CFTR: variants seen among roughly 807,000 people sequenced by gnomAD.
CFTR encodes the protein CF transmembrane conductance regulator.
A neutral mutation model predicts 171.6 loss-of-function variants in CFTR; 181 were observed. That is an observed-to-expected ratio of 1.05 (90% confidence interval 0.93 to 1.19). The LOEUF (loss-of-function observed/expected upper bound fraction) is 1.19. CFTR is among the 50% of genes most tolerant of loss of function. CFTR has a pLI of 0.00. For missense variants in CFTR, 1,968 were observed against 1,734.7 expected (o/e 1.13, Z -2.39); for synonymous variants, 583 against 608.0 (o/e 0.96, Z 0.60).
chr7:117,601,844 G>A (rs1788811343), intron 15 of CFTR, among the ~76,000 whole-genome samples: 2 of 152,132 alleles, frequency 1.3e-5, no homozygotes, highest in African/African-American at 4.8e-5. Flanking sequence ...AATATAAAAA[G>A]AACTACAAAA....
At position 117,652,862 on chromosome 7, in the gene CFTR, A is replaced by T; in HGVS notation, c.3894A>T (p.Gly1298=). 3 of 1,566,938 alleles carry T rather than the reference A, an allele frequency of 1.9e-6. No homozygotes were observed. Among genetic ancestry groups the T allele is most frequent in the Non-Finnish European group, 2.6e-6 (3 of 1,139,534 alleles). The change falls in exon 24 of 27, where the codon GGA becomes GGT. Residue 1298 remains glycine (G), a synonymous_variant. Coordinates refer to ENST00000003084, the MANE Select transcript of CFTR (RefSeq NM_000492.4). ...VIPQKVFIFS[G]TFRKNLDPYE... ...TATAGAAAGTATTTATTTTTTCTGGAACATTTAGAAAAAACTTGGATCCCT... is the reference window on the plus strand; with the variant it reads ...TATAGAAAGTATTTATTTTTTCTGGTACATTTAGAAAAAACTTGGATCCCT...
intron 11 of CFTR, among the ~76,000 whole-genome samples, chr7:117,575,831 G>A (rs911954679): frequency 1.3e-5 from 2 of 151,898 alleles, no homozygotes; most frequent in Non-Finnish European, 2.9e-5. Context: ...TTTGCTATTT[G>A]CAACCTGCAG....
chr7:117,608,407 G>A lies in CFTR; in HGVS notation c.2988+1654G>A, dbSNP rs560457625. On this transcript the variant is annotated intron_variant, in intron 18 of 26. Coordinates refer to ENST00000003084, the MANE Select transcript of CFTR (RefSeq NM_000492.4). ...ATTACTAGAGATGGGGTTTCACCACGTTGGCCAGGCTGGTCTTGAACTCCT... is the reference window on the plus strand; with the variant it reads ...ATTACTAGAGATGGGGTTTCACCACATTGGCCAGGCTGGTCTTGAACTCCT... 5.9e-5 allele frequency among the ~76,000 whole-genome samples: 9 copies of A among 152,190 alleles called. No homozygotes were observed. The South Asian group carries it at 8.3e-4, about 14-fold the overall frequency.
intron 5 of CFTR, 62 bp from the exon 6 acceptor site, chr7:117,535,186 T>G: frequency 2.6e-6 from 4 of 1,547,350 alleles, no homozygotes; most frequent in Non-Finnish European, 3.6e-6. Flanking sequence ...CATATATGAT[T>G]GTTAGTTTCT....
chr7:117,482,958 A>C (rs1256577118), intron 1 of CFTR, among the ~76,000 whole-genome samples: 1 of 152,208 alleles, frequency 6.6e-6, no homozygotes, highest in Non-Finnish European at 1.5e-5. Flanking sequence ...ATTTCTTACA[A>C]GGGATGTGGG....
intron 10 of CFTR, among the ~76,000 whole-genome samples, chr7:117,557,548 G>C (rs1196445682): frequency 1.1e-5 from 1 of 87,646 alleles, no homozygotes; most frequent in Non-Finnish European, 2.3e-5. Context: ...TGTAATTTTT[G>C]CTTCAAGAAT....
chr7:117,551,210 G>C (rs1799264213), intron 10 of CFTR, among the ~76,000 whole-genome samples: 1 of 152,050 alleles, frequency 6.6e-6, no homozygotes, highest in African/African-American at 2.4e-5. Context: ...GATAAATTTT[G>C]GTGTAGTTCT....
Position 117,548,827 on chromosome 7 carries a change from G to C in CFTR, c.1392+4G>C, listed in dbSNP as rs762386718. The C allele has an allele frequency of 3.1e-6, 5 of 1,606,344 alleles. No homozygotes were observed. The South Asian group carries it at 5.5e-5, about 18-fold the overall frequency. ...TGGATCCACTGGAGCAGGCAAGGTA[G>C]TTCTTTTGTTCTTCACTATTAAGAA... is the stretch of plus-strand genomic sequence containing the variant. On this transcript the variant is annotated splice_donor_region_variant and intron_variant, in intron 10 of 26. Coordinates refer to ENST00000003084, the MANE Select transcript of CFTR (RefSeq NM_000492.4).
At chr7:117,550,544 T>C (rs1896888) in intron 10 of CFTR, among the ~76,000 whole-genome samples, 38,915 of 151,988 alleles carry the variant, frequency 0.26, 5,295 homozygotes, top group East Asian at 0.42. Context: ...AAAATTATAC[T>C]ATAGGAGGGG....
At chr7:117,620,331 T>C (rs1439184719) in intron 21 of CFTR, among the ~76,000 whole-genome samples, 1 of 152,158 alleles carries the variant, frequency 6.6e-6, no homozygotes, top group African/African-American at 2.4e-5. Context: ...AATGAAACAG[T>C]TTGATGAGAA....
chr7:117,612,294 T>A (rs1331179120), intron 20 of CFTR, among the ~76,000 whole-genome samples: 2 of 150,916 alleles, frequency 1.3e-5, no homozygotes, highest in African/African-American at 2.4e-5. Context: ...TTGTTTTTTT[T>A]AAATCTCTAC....
chr7:117,610,922 G>T (rs184334379), intron 19 of CFTR, among the ~76,000 whole-genome samples: 2 of 152,064 alleles, frequency 1.3e-5, no homozygotes, highest in East Asian at 3.9e-4. Context: ...TACCACAGTT[G>T]GTGTACAGGA....
At chr7:117,524,515 A>T (rs1336083865) in intron 3 of CFTR, among the ~76,000 whole-genome samples, 1 of 152,226 alleles carries the variant, frequency 6.6e-6, no homozygotes, top group Admixed American at 6.5e-5. Context: ...AGGATTAAAT[A>T]TTGCCATTGT....
intron 23 of CFTR, among the ~76,000 whole-genome samples, chr7:117,645,885 C>A (rs1308029290): frequency 6.6e-6 from 1 of 152,066 alleles, no homozygotes; most frequent in Non-Finnish European, 1.5e-5. Flanking sequence ...TTAAAGCAGG[C>A]TAGATAAAGA....
At chr7:117,505,620 G>GA (rs1798401604) in intron 2 of CFTR, among the ~76,000 whole-genome samples, 1 of 152,182 alleles carries the variant, frequency 6.6e-6, no homozygotes, top group Non-Finnish European at 1.5e-5. Context: ...AGAGACTCTT[G>GA]AGTCATAGTG....
chr7:117,504,403 A>G (rs1395850305), intron 2 of CFTR, 40 bp downstream of exon 2: 6 of 965,986 alleles, frequency 6.2e-6, no homozygotes, highest in Non-Finnish European at 1.0e-5. Flanking sequence ...AGAGAAATTC[A>G]TATTATTAAT....
At chr7:117,633,458 T>C (rs2116143726) in intron 22 of CFTR, among the ~76,000 whole-genome samples, 1 of 152,256 alleles carries the variant, frequency 6.6e-6, no homozygotes, top group African/African-American at 2.4e-5. Flanking sequence ...CTGAACTTAG[T>C]TTTATTTCTT....
At chr7:117,495,168 A>G (rs1020949332) in intron 1 of CFTR, among the ~76,000 whole-genome samples, 15 of 152,142 alleles carry the variant, frequency 9.9e-5, no homozygotes, top group Non-Finnish European at 2.1e-4. Flanking sequence ...CTAAATGTGA[A>G]CTTATACAGG....
Position 117,530,930 on chromosome 7 carries a change from T to G in CFTR, c.305T>G (p.Leu102Arg), listed in dbSNP as rs397508490. ...ACCAAAGCAGTACAGCCTCTCTTAC[T>G]GGGAAGAATCATAGCTTCCTATGAC... The part of the protein sequence containing the change: ...EVTKAVQPLL[L>R]GRIIASYDPD... The change falls in exon 4 of 27, where the codon CTG becomes CGG. Residue 102 changes from leucine to arginine, a missense_variant. Leu to Arg is a moderately radical substitution (Grantham distance 102). Coordinates refer to ENST00000003084, the MANE Select transcript of CFTR (RefSeq NM_000492.4). The G allele has an allele frequency of 6.2e-7, 1 of 1,613,622 alleles. No individual in the cohort carries two copies. Among genetic ancestry groups the G allele is most frequent in the Admixed American group, 1.7e-5 (1 of 59,936 alleles).
Sources: gnomAD v4.1 joint callset for allele counts (sites outside exome capture counted in the v4.1 genomes callset) on GRCh38, gnomAD v4.1.1 for gene constraint, MANE v1.5 for transcripts, NCBI Gene and HGNC (gene_info 2026-07-23, HGNC 2026-07-21) for gene names.